Variants in PKHD1L1 observed in about 807,000 individuals in gnomAD.
PKHD1L1 encodes fibrocystin-L.
Under a neutral mutation model 462.9 loss-of-function variants are expected in PKHD1L1, and 434 were observed. The observed-to-expected ratio is 0.94, with a 90% CI of 0.87 to 1.02. The LOEUF is 1.02. PKHD1L1 is among the 50% of genes least tolerant of loss of function. The pLI, the probability that PKHD1L1 is intolerant of heterozygous loss-of-function variation, is 0.00. For missense variants in PKHD1L1, 5,202 were observed against 5,096.1 expected, an observed-to-expected ratio of 1.02 and a Z score of -0.63; for synonymous variants, 1,781 against 1,750.0, an observed-to-expected ratio of 1.02 and a Z score of -0.44.
intron 67 of PKHD1L1, among the ~76,000 whole-genome samples, chr8:109,502,579 C>A (rs980596171): frequency 6.6e-6 from 1 of 152,204 alleles, no homozygotes; most frequent in Non-Finnish European, 1.5e-5. Context: ...AGAACCCAAC[C>A]ATCTCTTAAG....
At position 109,479,775 on chromosome 8, in the gene PKHD1L1, C is replaced by T. The variant is rs1237136200; in HGVS notation, c.9178+136C>T. The T allele has an allele frequency of 1.1e-5, 9 of 815,500 alleles. No individual in the cohort carries two copies. In the East Asian group the frequency reaches 2.4e-4, roughly 22 times the overall value. The allele number at this position is 815,500 out of a possible 1,614,324, so 50.5% of individuals were successfully genotyped here. A position where few individuals can be genotyped will look rare whatever the true frequency, so the allele number is the denominator to read the frequency against. On this transcript the variant is annotated intron_variant, in intron 54 of 77. Transcript: ENST00000378402. ...GAGAAGTGGACTCTATTAATGCATC[C>T]CGGATACTAAACCTAGCCTTCTGGG...
chr8:109,517,645 A>G (rs1400801798), intron 72 of PKHD1L1, among the ~76,000 whole-genome samples: 1 of 152,116 alleles, frequency 6.6e-6, no homozygotes, highest in Non-Finnish European at 1.5e-5. Flanking sequence ...TTTAGTTGGT[A>G]TAAGATTCTT....
At position 109,507,691 on chromosome 8, in the gene PKHD1L1, A is replaced by G. The variant is rs1819761543; in HGVS notation, c.11023A>G (p.Met3675Val). The change falls in exon 69 of 78, where the codon ATG becomes GTG. Residue 3675 changes from methionine to valine, a missense_variant. Physicochemically the swap from Met to Val is conservative, Grantham distance 21 (BLOSUM62 1). This residue lies in a region of PKHD1L1 where 698 missense variants were observed against 736.3 expected (regional missense o/e 0.95). Coordinates refer to ENST00000378402, the MANE Select transcript of PKHD1L1 (RefSeq NM_177531.6). The stretch of plus-strand genomic sequence containing the variant: ...GGTCAATCCATCTGATTGTGTAGAC[A>G]TGGTTTGTGATGCCAAGAGGAAATC... ...SKVNPSDCVD[M>V]VCDAKRKSFL... 1.2e-6 allele frequency: 2 copies of G among 1,613,352 alleles called. No homozygotes were observed. Among genetic ancestry groups the G allele is most frequent in the Non-Finnish European group, 1.7e-6 (2 of 1,179,536 alleles).
rs767040371 is a variant in PKHD1L1 at position 109,408,188 on chromosome 8, A to G, written c.1953A>G (p.Leu651=). The G allele has an allele frequency of 3.3e-5, 53 of 1,612,256 alleles. No individual in the cohort carries two copies. The highest frequency in any genetic ancestry group is 6.6e-5 in the South Asian group (6 of 90,902). ...WDGIASKPLT[L]WSSEAEFQGA... is the part of the protein sequence containing the mutation. Reference sequence around the variant, plus strand: ...GGATCGCTTCTAAGCCACTCACTCTATGGTCATCAGAAGCTGAAGTACGGT... The same window carrying G: ...GGATCGCTTCTAAGCCACTCACTCTGTGGTCATCAGAAGCTGAAGTACGGT... Residue 651 remains leucine, a synonymous_variant, in exon 18 of 78, where the codon CTA becomes CTG. Coordinates refer to ENST00000378402, the MANE Select transcript of PKHD1L1 (RefSeq NM_177531.6).
Position 109,449,379 on chromosome 8 carries a change from G to A in PKHD1L1, c.6067G>A (p.Gly2023Arg), listed in dbSNP as rs747646955. The A allele has an allele frequency of 7.8e-5, 123 of 1,583,418 alleles. 2 individuals carry two copies. In the South Asian group the frequency reaches 1.3e-3, roughly 16 times the overall value. The change falls in exon 40 of 78, where the codon GGA (glycine) becomes AGA (arginine). Residue 2023 changes from glycine (G) to arginine (R), a missense_variant. Gly to Arg is a moderately radical substitution (Grantham distance 125). Coordinates refer to ENST00000378402, the MANE Select transcript of PKHD1L1 (RefSeq NM_177531.6). ...GGQTMTVTGT[G>R]FNPQNSIILV... Reference sequence around the variant, plus strand: ...TCAAACCATGACTGTGACAGGCACCGGATTTAATCCACAAAATTCAATTAT... The same window carrying A: ...TCAAACCATGACTGTGACAGGCACCAGATTTAATCCACAAAATTCAATTAT...
At chr8:109,455,339 G>A (rs1346369476) in intron 45 of PKHD1L1, among the ~76,000 whole-genome samples, 1 of 152,072 alleles carries the variant, frequency 6.6e-6, no homozygotes, top group African/African-American at 2.4e-5. Context: ...CTCTGTCTCT[G>A]TGTCAACAAA....
chr8:109,450,880 T>G (rs917752613), intron 40 of PKHD1L1, 95 bp from the exon 41 acceptor site: 217 of 1,224,748 alleles, frequency 1.8e-4, no homozygotes, highest in Non-Finnish European at 2.3e-4. Flanking sequence ...GATGATTGTG[T>G]GAAAAGGAAG....
At chr8:109,526,739 TA>T in intron 76 of PKHD1L1, 44 bp from the exon 77 acceptor site, 1 of 1,462,352 alleles carries the variant, frequency 6.8e-7, no homozygotes, top group Non-Finnish European at 9.3e-7. Flanking sequence ...TGAAAACAAG[TA>T]AAACATAAAG....
rs1814669014 is a variant in PKHD1L1 at position 109,425,099 on chromosome 8, G to C, written c.2712G>C (p.Glu904Asp). Residue 904 changes from glutamate (E) to aspartate (D), a missense_variant, in exon 24 of 78, where the codon GAG becomes GAC. Glu to Asp is a conservative substitution (Grantham distance 45, BLOSUM62 2). Transcript: ENST00000378402. ...AVSFGQIITH[E>D]TENEFVYRGN... ...TTGGAAATTAGATAATCACACATGAGACAGAGAACGAGTTTGTCTACAGAG... is the reference window on the plus strand; with the variant it reads ...TTGGAAATTAGATAATCACACATGACACAGAGAACGAGTTTGTCTACAGAG... 5 of 1,585,300 alleles carry C rather than the reference G, an allele frequency of 3.2e-6. No individual in the cohort carries two copies. Among genetic ancestry groups the C allele is most frequent in the Non-Finnish European group, 4.3e-6 (5 of 1,169,250 alleles).
Position 109,534,476 on chromosome 8 carries a change from A to G in PKHD1L1, c.*4386A>G, listed in dbSNP as rs1469913093. On this transcript the variant is annotated 3_prime_UTR_variant, in exon 78 of 78. Transcript: ENST00000378402. ...AGACACATCTCAAAAAAAAAAACCCAAAAAACTTTAATCTGAATCCATTAT... is the reference window on the plus strand; with the variant it reads ...AGACACATCTCAAAAAAAAAAACCCGAAAAACTTTAATCTGAATCCATTAT... Among the ~76,000 whole-genome samples, 4 of 151,820 alleles carry G rather than the reference A, an allele frequency of 2.6e-5. No homozygotes were observed. The highest frequency in any genetic ancestry group is 4.4e-5 in the Non-Finnish European group (3 of 67,912).
Position 109,447,209 on chromosome 8 carries a change from C to T in PKHD1L1, c.5777-934C>T, listed in dbSNP as rs150589902. Among the ~76,000 whole-genome samples, 1,338 of 152,194 alleles carry T rather than the reference C, an allele frequency of 8.8e-3. 17 individuals carry two copies. The highest frequency in any genetic ancestry group is 0.03 in the African/African-American group (1,254 of 41,520). ...CTGCACTCCAGCCTGGGCGACAGAGCGAGACTCCATCTCCGAAACAAACAA... is the reference window on the plus strand; with the variant it reads ...CTGCACTCCAGCCTGGGCGACAGAGTGAGACTCCATCTCCGAAACAAACAA... On this transcript the variant is annotated intron_variant, in intron 38 of 77. Transcript: ENST00000378402.
intron 7 of PKHD1L1, 89 bp downstream of exon 7, chr8:109,388,639 A>G: frequency 1.2e-6 from 1 of 866,770 alleles, no homozygotes; most frequent in Non-Finnish European, 1.8e-6. Context: ...AATACTGCAT[A>G]GCTAAATGGT....
intron 45 of PKHD1L1, among the ~76,000 whole-genome samples, chr8:109,455,449 T>C (rs570378029): frequency 5.1e-4 from 78 of 152,286 alleles, no homozygotes; most frequent in Non-Finnish European, 6.6e-4. Context: ...CTTCCCCTTT[T>C]CCATGAGCCT....
At position 109,534,306 on chromosome 8, in the gene PKHD1L1, C is replaced by CA. The variant is rs1821103862; in HGVS notation, c.*4223dup. 6.6e-6 allele frequency among the ~76,000 whole-genome samples: 1 copy of CA among 152,022 alleles called. No individual in the cohort carries two copies. The highest frequency in any genetic ancestry group is 2.1e-4 in the South Asian group (1 of 4,830). On this transcript the variant is annotated 3_prime_UTR_variant, in exon 78 of 78. Transcript: ENST00000378402. ...TGAAATCCTGTCTCTACTAAAAATA[C>CA]AAAAAAATTAGCCAGGCATGGTGGC...
intron 29 of PKHD1L1, 43 bp from the exon 30 acceptor site, chr8:109,436,295 T>C: frequency 6.4e-7 from 1 of 1,570,882 alleles, no homozygotes; most frequent in Non-Finnish European, 8.6e-7. Context: ...TTTGTTATAG[T>C]TGAACTGTTT....
rs775964269 is a variant in PKHD1L1 at position 109,451,168 on chromosome 8, C to T, written c.6350+19C>T. The T allele has an allele frequency of 1.3e-6, 2 of 1,582,212 alleles. No homozygotes were observed. Among genetic ancestry groups the T allele is most frequent in the Non-Finnish European group, 1.7e-6 (2 of 1,160,512 alleles). On this transcript the variant is annotated intron_variant, in intron 41 of 77. Coordinates refer to ENST00000378402, the MANE Select transcript of PKHD1L1 (RefSeq NM_177531.6). ...GATTCAGGTACTGTCTCCACACAAA[C>T]ACGCATCATTGTGCATTTCCAGACT...
At chr8:109,528,509 C>A (rs558214222) in intron 77 of PKHD1L1, among the ~76,000 whole-genome samples, 2 of 152,276 alleles carry the variant, frequency 1.3e-5, no homozygotes, top group African/African-American at 4.8e-5. Context: ...AGAATTCTCT[C>A]CACCCTACAT....
chr8:109,445,076 A>G lies in PKHD1L1; in HGVS notation c.5207A>G (p.Gln1736Arg). The G allele has an allele frequency of 1.9e-6, 3 of 1,613,998 alleles. No individual in the cohort carries two copies. The highest frequency in any genetic ancestry group is 2.5e-6 in the Non-Finnish European group (3 of 1,179,892). ...ATACATGGAGTGCCTGCCCAGTGCC[A>G]GGGAAACTGCACCTTTTCATACTTA... is the stretch of plus-strand genomic sequence containing the variant. ...LLIHGVPAQC[Q>R]GNCTFSYLES... The change falls in exon 38 of 78, where the codon CAG (glutamine) becomes CGG (arginine). Residue 1736 changes from glutamine to arginine, a missense_variant. By Grantham distance (43) the Gln-to-Arg change is conservative. Transcript: ENST00000378402.
intron 70 of PKHD1L1, among the ~76,000 whole-genome samples, chr8:109,508,892 A>G (rs1819835468): frequency 6.6e-6 from 1 of 152,114 alleles, no homozygotes; most frequent in Non-Finnish European, 1.5e-5. Context: ...TAGGAGACCA[A>G]GGCTTTTTGA....
Sources: allele counts gnomAD v4.1 joint callset (sites outside exome capture counted in the v4.1 genomes callset), GRCh38; gene constraint gnomAD v4.1.1; regional missense constraint gnomAD v4.1.1; transcripts MANE v1.5; gene names NCBI Gene and HGNC (gene_info 2026-07-23, HGNC 2026-07-21).